The following CORIN variants were observed in gnomAD, a reference collection of about 807,000 sequenced individuals.
CORIN encodes the protein atrial natriuretic peptide-converting enzyme.
CORIN carries 117 observed loss-of-function variants against 125.3 expected under a neutral mutation model. That is an observed-to-expected ratio of 0.93 (90% confidence interval 0.80 to 1.09). CORIN has a LOEUF of 1.09. CORIN is among the 50% of genes least tolerant of loss of function. CORIN has a pLI of 0.00. For synonymous variants in CORIN, 450 were observed against 466.4 expected, an observed-to-expected ratio of 0.96 and a Z score of 0.45; for missense variants, 1,253 against 1,306.7, an observed-to-expected ratio of 0.96 and a Z score of 0.63.
chr4:47,709,291 A>C (rs1426283595), intron 5 of CORIN, among the ~76,000 whole-genome samples: 1 of 151,678 alleles, frequency 6.6e-6, no homozygotes, highest in Non-Finnish European at 1.5e-5. Flanking sequence ...TTATTTATTT[A>C]TTTATTTATT....
rs1721169692 is a variant in CORIN, at chr4:47,594,292, A to G, written c.*1429T>C. 6.6e-6 allele frequency: 1 copy of G among 152,566 alleles called. No homozygotes were observed. The highest frequency in any genetic ancestry group is 6.6e-5 in the Admixed American group (1 of 15,248). The allele number at this position is 152,566 out of a possible 1,614,324, so 9.5% of individuals were successfully genotyped here. A position where few individuals can be genotyped will look rare whatever the true frequency, so the allele number is the denominator to read the frequency against. On this transcript the variant is annotated 3_prime_UTR_variant, in exon 22 of 22. Transcript: ENST00000273857. Reference sequence around the variant, plus strand: ...ATGTTTACACACAGAAAAGATACAAAAATACATGTATAAAATTGCAGGTAG... The same window carrying G: ...ATGTTTACACACAGAAAAGATACAAGAATACATGTATAAAATTGCAGGTAG...
Position 47,594,994 on chromosome 4 carries a change from T to A in CORIN, c.*727A>T, listed in dbSNP as rs1251745937. 1 of 152,218 alleles carries A rather than the reference T, an allele frequency of 6.6e-6. No individual in the cohort carries two copies. Among genetic ancestry groups the A allele is most frequent in the Non-Finnish European group, 1.5e-5 (1 of 68,036 alleles). 9.4% of individuals were successfully genotyped at this position (152,218 alleles called of 1,614,324 possible). A position where few individuals can be genotyped will look rare whatever the true frequency, so the allele number is the denominator to read the frequency against. On this transcript the variant is annotated 3_prime_UTR_variant, in exon 22 of 22. Coordinates refer to ENST00000273857, the MANE Select transcript of CORIN (RefSeq NM_006587.4). ...TCTAAAGAACTTTGCATTCAATATG[T>A]CTTGCTACCTAAATGGATGACACTG...
intron 1 of CORIN, among the ~76,000 whole-genome samples, chr4:47,829,891 C>A (rs1732903601): frequency 6.6e-6 from 1 of 152,186 alleles, no homozygotes; most frequent in Non-Finnish European, 1.5e-5. Flanking sequence ...CCAACTACCT[C>A]ATTTTACACA....
At chr4:47,717,801 T>C (rs1394579343) in intron 5 of CORIN, among the ~76,000 whole-genome samples, 1 of 152,110 alleles carries the variant, frequency 6.6e-6, no homozygotes, top group Non-Finnish European at 1.5e-5. Context: ...AGAGGCACTG[T>C]AGTATATTTT....
chr4:47,833,150 C>T (rs999998644), intron 1 of CORIN, among the ~76,000 whole-genome samples: 1 of 151,508 alleles, frequency 6.6e-6, no homozygotes, highest in Non-Finnish European at 1.5e-5. Flanking sequence ...TATCATACGT[C>T]ATGATTTCAA....
intron 4 of CORIN, among the ~76,000 whole-genome samples, chr4:47,745,887 C>T (rs10003421): frequency 0.057 from 8,616 of 152,258 alleles, 762 homozygotes; most frequent in African/African-American, 0.19. Context: ...ATAAAAATAT[C>T]TTACCTTCCT....
At chr4:47,603,955 C>A (rs1373061758) in intron 19 of CORIN, among the ~76,000 whole-genome samples, 3 of 151,946 alleles carry the variant, frequency 2.0e-5, no homozygotes, top group Non-Finnish European at 4.4e-5. Context: ...ACAGAATGAG[C>A]AAGATAATGA....
intron 5 of CORIN, 63 bp downstream of exon 5, chr4:47,744,339 T>C: frequency 7.1e-7 from 1 of 1,404,388 alleles, no homozygotes; most frequent in Non-Finnish European, 9.9e-7. Context: ...TTATATCCAT[T>C]CCTGTATAAA....
chr4:47,643,292 T>C lies in CORIN; in HGVS notation c.1958-36A>G, dbSNP rs757745059. On this transcript the variant is annotated intron_variant, in intron 14 of 21. Transcript: ENST00000273857. ...GAACAAAAAGTGAGAAGGAAAACAT[T>C]TTAGAAATAAATGTGATTATCACTA... The C allele has an allele frequency of 3.5e-5, 55 of 1,553,800 alleles. No homozygotes were observed. In the South Asian group the frequency reaches 6.0e-4, roughly 17 times the overall value.
At chr4:47,752,931 G>A (rs1728968733) in intron 4 of CORIN, among the ~76,000 whole-genome samples, 1 of 151,758 alleles carries the variant, frequency 6.6e-6, no homozygotes, top group South Asian at 2.1e-4. Context: ...ATAAAAGGAT[G>A]CCATGAATAC....
At chr4:47,802,573 C>T (rs1347296092) in intron 2 of CORIN, among the ~76,000 whole-genome samples, 1 of 152,038 alleles carries the variant, frequency 6.6e-6, no homozygotes, top group Non-Finnish European at 1.5e-5. Context: ...TCTTGTGGTT[C>T]GAGTACCAGC....
intron 5 of CORIN, among the ~76,000 whole-genome samples, chr4:47,701,083 T>G (rs1007310905): frequency 4.6e-5 from 7 of 152,240 alleles, no homozygotes; most frequent in African/African-American, 1.7e-4. Flanking sequence ...GGTAAATGCC[T>G]GCTGAATAAA....
intron 2 of CORIN, among the ~76,000 whole-genome samples, chr4:47,796,711 A>ATG (rs1413008253): frequency 1.3e-5 from 2 of 152,128 alleles, no homozygotes; most frequent in Non-Finnish European, 1.5e-5. Context: ...TACATTAAAT[A>ATG]TGTGCAGCTT....
chr4:47,795,802 G>A (rs1731264499), intron 2 of CORIN, among the ~76,000 whole-genome samples: 1 of 151,954 alleles, frequency 6.6e-6, no homozygotes, highest in African/African-American at 2.4e-5. Context: ...CAACGGATCT[G>A]AATAGACATT....
chr4:47,765,189 G>A (rs1025220243), intron 3 of CORIN, among the ~76,000 whole-genome samples: 12 of 151,690 alleles, frequency 7.9e-5, no homozygotes, highest in Admixed American at 2.6e-4. Context: ...CGGGCGTTGT[G>A]GGGGGCGTGG....
chr4:47,830,839 C>G (rs114654085), intron 1 of CORIN, among the ~76,000 whole-genome samples: 197 of 152,314 alleles, frequency 1.3e-3, no homozygotes, highest in African/African-American at 4.6e-3. Flanking sequence ...CAGAATGACA[C>G]TTTTGTGGCT....
intron 15 of CORIN, 133 bp downstream of exon 15, chr4:47,643,013 T>A (rs771158598): frequency 1.3e-6 from 2 of 1,543,202 alleles, no homozygotes; most frequent in Admixed American, 3.9e-5. Flanking sequence ...ATCAGCACTA[T>A]CAGCTTTTAT....
intron 4 of CORIN, among the ~76,000 whole-genome samples, chr4:47,746,379 A>C (rs1479516776): frequency 1.3e-5 from 2 of 152,210 alleles, no homozygotes; most frequent in Non-Finnish European, 2.9e-5. Flanking sequence ...ATAAGGAAAG[A>C]AGCACAGACA....
intron 5 of CORIN, among the ~76,000 whole-genome samples, chr4:47,699,750 G>A (rs976228778): frequency 3.9e-5 from 6 of 152,130 alleles, no homozygotes; most frequent in South Asian, 4.2e-4. Context: ...ACTGATGCAG[G>A]AATAAAAATC....
Sources: allele counts gnomAD v4.1 joint callset (sites outside exome capture counted in the v4.1 genomes callset), GRCh38; gene constraint gnomAD v4.1.1; transcripts MANE v1.5; gene names NCBI Gene and HGNC (gene_info 2026-07-23, HGNC 2026-07-21).